Variants in NEB observed in about 807,000 individuals in gnomAD.
The protein encoded by NEB is nebulin, also known as nemaline myopathy type 2.
Under a neutral mutation model 952.2 loss-of-function variants are expected in NEB, and 512 were observed. The ratio of observed to expected loss-of-function variants is 0.54; its 90% CI spans 0.50 to 0.58. The LOEUF (loss-of-function observed/expected upper bound fraction) is 0.58. Among genes scored for constraint, NEB ranks in the 20% least tolerant of loss-of-function variants. NEB has a pLI of 0.00. For synonymous variants in NEB, 2,900 were observed against 3,149.8 expected, an observed-to-expected ratio of 0.92 and a Z score of 2.66; for missense variants, 8,428 against 9,231.1, an observed-to-expected ratio of 0.91 and a Z score of 3.56.
rs2099380409 is a variant in NEB at position 151,677,637 on chromosome 2, G to A, written c.3702C>T (p.Thr1234=). Residue 1234 remains threonine (T), a synonymous_variant, in exon 34 of 182, where the codon ACC becomes ACT. Transcript: ENST00000397345. Reference sequence around the variant, plus strand: ...AGTCCACAATGCTGGTAAATTTGAGGGTGTCTGGATGTTGCCTGTACTTCT... The same window carrying A: ...AGTCCACAATGCTGGTAAATTTGAGAGTGTCTGGATGTTGCCTGTACTTCT... The part of the protein sequence containing the change: ...NEKKYRQHPD[T]LKFTSIVDSP... 25 of 1,613,896 alleles carry A rather than the reference G, an allele frequency of 1.5e-5. No homozygotes were observed. The highest frequency in any genetic ancestry group is 2.0e-5 in the Non-Finnish European group (24 of 1,179,868).
intron 45 of NEB, 77 bp from the exon 46 acceptor site, chr2:151,662,418 G>A (rs1446655328): frequency 5.1e-5 from 63 of 1,227,398 alleles, no homozygotes; most frequent in Non-Finnish European, 6.5e-5. Flanking sequence ...TTAACATTCT[G>A]TAACTTCCAT....
intron 10 of NEB, among the ~76,000 whole-genome samples, chr2:151,716,527 T>C (rs757163864): frequency 4.6e-5 from 7 of 152,320 alleles, no homozygotes; most frequent in Non-Finnish European, 7.4e-5. Flanking sequence ...ATTGATAGTA[T>C]TCCTATTGGT....
At chr2:151,723,132 A>C (rs2099779609) in intron 9 of NEB, among the ~76,000 whole-genome samples, 1 of 152,162 alleles carries the variant, frequency 6.6e-6, no homozygotes, top group Admixed American at 6.5e-5. Flanking sequence ...CCACTAACTA[A>C]TGTGACCCCA....
chr2:151,688,183 C>T (rs2099517576), intron 25 of NEB, 109 bp downstream of exon 25: 3 of 857,984 alleles, frequency 3.5e-6, no homozygotes, highest in Non-Finnish European at 5.4e-6. Context: ...ACAAAGTAAC[C>T]ATCTTAAAGT....
At chr2:151,639,522 T>G in intron 62 of NEB, 138 bp from the exon 63 acceptor site, 1 of 624,730 alleles carries the variant, frequency 1.6e-6, no homozygotes, top group Middle Eastern at 4.2e-4. Context: ...ATGCACATCT[T>G]CGGGTAATAA....
chr2:151,546,138 A>C, intron 134 of NEB, 140 bp from the exon 135 acceptor site: 6 of 725,542 alleles, frequency 8.3e-6, no homozygotes, highest in Middle Eastern at 6.6e-4. Flanking sequence ...GGCAGGAGCA[A>C]AAACAATTGT....
chr2:151,501,860 G>A lies in NEB; in HGVS notation c.23929-377C>T, dbSNP rs1488578730. 2.0e-5 allele frequency among the ~76,000 whole-genome samples: 3 copies of A among 151,928 alleles called. No individual in the cohort carries two copies. The South Asian group carries it at 6.2e-4, about 32-fold the overall frequency. Reference sequence around the variant, plus strand: ...GAGAGAGAGAGACAGGTAGGTTTGGGGGAACAAAATAAAGAATAAATGTTG... The same window carrying A: ...GAGAGAGAGAGACAGGTAGGTTTGGAGGAACAAAATAAAGAATAAATGTTG... On this transcript the variant is annotated intron_variant, in intron 167 of 181. Transcript: ENST00000397345.
At chr2:151,674,631 C>T (rs1187546368) in intron 35 of NEB, 47 bp from the exon 36 acceptor site, 1 of 1,355,642 alleles carries the variant, frequency 7.4e-7, no homozygotes, top group Middle Eastern at 1.8e-4. Context: ...AGTGATTCCT[C>T]AACTGCTGGG....
At position 151,563,884 on chromosome 2, in the gene NEB, GTGTAGCCATAGGCC is replaced by G. The variant is rs747282057; in HGVS notation, c.18504_18517del (p.Lys6168AsnfsTer4). The G allele has an allele frequency of 1.2e-5, 19 of 1,612,646 alleles. No individual in the cohort carries two copies. Among genetic ancestry groups the G allele is most frequent in the Non-Finnish European group, 1.4e-5 (16 of 1,179,340 alleles). On this transcript the variant is annotated frameshift_variant, in exon 118 of 182. Transcript: ENST00000397345. LOFTEE classifies it high-confidence loss of function. ...AATGGGAATGTAGCGCTCATCCAGG[GTGTAGCCATAGGCC>G]TTGGTGCCCTCCCACGCCCCTTTAT...
chr2:151,505,487 G>A lies in NEB; in HGVS notation c.23733C>T (p.His7911=). The A allele has an allele frequency of 6.2e-7, 1 of 1,613,708 alleles. No individual in the cohort carries two copies. Among genetic ancestry groups the A allele is most frequent in the Non-Finnish European group, 8.5e-7 (1 of 1,179,646 alleles). The part of the protein sequence containing the change: ...EVKRVKETQK[H]ISSVMYKENL... ...AGAGTATGGCCACTACCGAGCTAAT[G>A]TGCTTCTGCGTCTCCTTCACACGTT... Residue 7911 remains histidine, a synonymous_variant, in exon 165 of 182, where the codon CAC becomes CAT. Transcript: ENST00000397345.
At chr2:151,732,892 A>C (rs539625883) in intron 3 of NEB, among the ~76,000 whole-genome samples, 5 of 152,176 alleles carry the variant, frequency 3.3e-5, no homozygotes, top group Admixed American at 6.5e-5. Flanking sequence ...GTTTTTTGAG[A>C]GCTTAAAGAA....
intron 27 of NEB, among the ~76,000 whole-genome samples, chr2:151,686,670 A>T (rs2148914236): frequency 6.6e-6 from 1 of 152,214 alleles, no homozygotes; most frequent in Non-Finnish European, 1.5e-5. Context: ...TGATACAAAT[A>T]CCCTTCTCTT....
intron 18 of NEB, among the ~76,000 whole-genome samples, chr2:151,695,057 T>A (rs1372038364): frequency 6.6e-6 from 1 of 152,148 alleles, no homozygotes; most frequent in East Asian, 1.9e-4. Flanking sequence ...TATAGAATTA[T>A]TGAAGAAATT....
intron 129 of NEB, among the ~76,000 whole-genome samples, chr2:151,551,378 G>A (rs545099391): frequency 6.6e-6 from 1 of 152,186 alleles, no homozygotes; most frequent in African/African-American, 2.4e-5. Context: ...TGGGATCCAG[G>A]TTCTTTCTCT....
chr2:151,666,457 C>T (rs2099218181), intron 40 of NEB, 56 bp from the exon 41 acceptor site: 3 of 1,518,400 alleles, frequency 2.0e-6, no homozygotes, highest in Admixed American at 3.8e-5. Context: ...CTGATATAAA[C>T]TGAATTTATA....
At chr2:151,492,327 A>G (rs770715674) in intron 177 of NEB, 46 bp from the exon 178 acceptor site, 90 of 1,597,082 alleles carry the variant, frequency 5.6e-5, no homozygotes, top group Non-Finnish European at 7.0e-5. Flanking sequence ...TGGTGTGACT[A>G]TATCCCTTTT....
At chr2:151,522,404 G>A (rs1249171583) in intron 153 of NEB, among the ~76,000 whole-genome samples, 2 of 152,124 alleles carry the variant, frequency 1.3e-5, no homozygotes, top group Non-Finnish European at 2.9e-5. Context: ...GGTTTCTTTG[G>A]TTGAAGATGA....
At chr2:151,507,929 C>T (rs2070654753) in intron 162 of NEB, 76 bp downstream of exon 162, 6 of 1,042,384 alleles carry the variant, frequency 5.8e-6, no homozygotes, top group Non-Finnish European at 8.8e-6. Context: ...CACTGCAAGC[C>T]TGGGATATCC....
intron 52 of NEB, among the ~76,000 whole-genome samples, chr2:151,653,734 C>T (rs559049450): frequency 3.9e-5 from 6 of 152,162 alleles, no homozygotes; most frequent in African/African-American, 1.2e-4. Context: ...ATCTCGGGTC[C>T]TTTGTAACAT....
Sources: allele counts gnomAD v4.1 joint callset (sites outside exome capture counted in the v4.1 genomes callset), GRCh38; gene constraint gnomAD v4.1.1; transcripts MANE v1.5; gene names NCBI Gene and HGNC (gene_info 2026-07-23, HGNC 2026-07-21).